The following PABPC4L variants were observed in gnomAD, a reference collection of about 807,000 sequenced individuals.
The protein encoded by PABPC4L is polyadenylate-binding protein 4-like.
For missense variants in PABPC4L, 452 were observed against 451.4 expected (o/e 1.00, Z -0.01); for synonymous variants, 169 against 164.1 (o/e 1.03, Z -0.23).
the PABPC4L span, among the ~76,000 whole-genome samples, chr4:134,141,590 T>C: frequency 6.6e-6 from 1 of 151,390 alleles, no homozygotes; most frequent in Admixed American, 6.6e-5. Context: ...TTGTTATTGT[T>C]AAAGTTTTAC....
the PABPC4L span, among the ~76,000 whole-genome samples, chr4:134,044,573 A>T: frequency 1.3e-5 from 2 of 152,076 alleles, no homozygotes; most frequent in African/African-American, 4.8e-5. Flanking sequence ...CATTTTACTT[A>T]TATTATAATG....
chr4:133,988,114 A>T, the PABPC4L span, among the ~76,000 whole-genome samples: 3 of 152,274 alleles, frequency 2.0e-5, no homozygotes, highest in Non-Finnish European at 4.4e-5. Context: ...CCCTCCCATG[A>T]CATGTTGTGG....
At chr4:133,991,745 C>T in the PABPC4L span, among the ~76,000 whole-genome samples, 6 of 152,162 alleles carry the variant, frequency 3.9e-5, no homozygotes, top group Admixed American at 6.5e-5. Context: ...TTGCCAGTTG[C>T]GTGTTAAATT....
chr4:133,989,209 T>A, the PABPC4L span, among the ~76,000 whole-genome samples: 2 of 152,192 alleles, frequency 1.3e-5, no homozygotes, highest in Non-Finnish European at 2.9e-5. Flanking sequence ...GTGAATAACA[T>A]TCGACTCCTC....
At chr4:134,023,555 T>G in the PABPC4L span, among the ~76,000 whole-genome samples, 1 of 152,080 alleles carries the variant, frequency 6.6e-6, no homozygotes, top group Admixed American at 6.6e-5. Context: ...TTAAAATTAT[T>G]TATTATTTTT....
At chr4:133,995,998 A>T in the PABPC4L span, among the ~76,000 whole-genome samples, 1 of 152,078 alleles carries the variant, frequency 6.6e-6, no homozygotes, top group African/African-American at 2.4e-5. Context: ...CACCTGATTG[A>T]CTTGTTGATC....
chr4:133,967,871 A>C, the PABPC4L span, among the ~76,000 whole-genome samples: 1 of 152,306 alleles, frequency 6.6e-6, no homozygotes, highest in East Asian at 1.9e-4. Context: ...CAAGAATATA[A>C]GCTTAAAAGT....
chr4:134,129,302 G>A, the PABPC4L span, among the ~76,000 whole-genome samples: 1 of 151,980 alleles, frequency 6.6e-6, no homozygotes, highest in Non-Finnish European at 1.5e-5. Context: ...AATAGACTTA[G>A]ACTATACCCT....
the PABPC4L span, among the ~76,000 whole-genome samples, chr4:134,135,891 T>C: frequency 6.6e-6 from 1 of 152,038 alleles, no homozygotes; most frequent in Admixed American, 6.6e-5. Context: ...CCCATTTCCC[T>C]ATCACTCGAT....
At chr4:134,082,342 G>A in the PABPC4L span, among the ~76,000 whole-genome samples, 2 of 151,908 alleles carry the variant, frequency 1.3e-5, no homozygotes, top group African/African-American at 2.4e-5. Context: ...ACAGGATTTG[G>A]GGTATAAAGA....
the PABPC4L span, among the ~76,000 whole-genome samples, chr4:134,175,165 C>A: frequency 0.091 from 13,820 of 151,916 alleles, 703 homozygotes; most frequent in South Asian, 0.13. Context: ...CTTTTAAGGA[C>A]AAAATATAAG....
chr4:134,077,124 G>A, the PABPC4L span, among the ~76,000 whole-genome samples: 1 of 152,038 alleles, frequency 6.6e-6, no homozygotes, highest in Non-Finnish European at 1.5e-5. Flanking sequence ...GTATGTTTAT[G>A]GGTATATATG....
chr4:134,092,892 T>G, the PABPC4L span, among the ~76,000 whole-genome samples: 1 of 152,114 alleles, frequency 6.6e-6, no homozygotes, highest in Non-Finnish European at 1.5e-5. Flanking sequence ...TTTTCTGAGG[T>G]AATTTCCTCA....
chr4:133,953,935 A>T, the PABPC4L span, among the ~76,000 whole-genome samples: 1 of 152,170 alleles, frequency 6.6e-6, no homozygotes, highest in Admixed American at 6.5e-5. Context: ...AAGTGGCCTC[A>T]TTTCCTTTTT....
chr4:134,168,419 A>G, the PABPC4L span, among the ~76,000 whole-genome samples: 11 of 152,042 alleles, frequency 7.2e-5, no homozygotes, highest in Admixed American at 6.5e-4. Context: ...AGTAACAATG[A>G]GAACAGAAAT....
chr4:133,968,604 A>C, the PABPC4L span, among the ~76,000 whole-genome samples: 2 of 152,202 alleles, frequency 1.3e-5, no homozygotes, highest in East Asian at 3.8e-4. Flanking sequence ...CAAAAAACAA[A>C]AAATGGGCCA....
At chr4:134,090,477 T>G in the PABPC4L span, among the ~76,000 whole-genome samples, 1 of 152,094 alleles carries the variant, frequency 6.6e-6, no homozygotes, top group African/African-American at 2.4e-5. Flanking sequence ...TTAAAAAGGC[T>G]GTCTTTGGGA....
the PABPC4L span, among the ~76,000 whole-genome samples, chr4:133,986,501 A>G: frequency 1.3e-5 from 2 of 152,146 alleles, no homozygotes; most frequent in Non-Finnish European, 2.9e-5. Flanking sequence ...ATGAGAAGAA[A>G]ATAAGAGAAA....
At chr4:134,072,795 CT>C in the PABPC4L span, among the ~76,000 whole-genome samples, 1 of 152,038 alleles carries the variant, frequency 6.6e-6, no homozygotes, top group Admixed American at 6.6e-5. Context: ...CAAACACATC[CT>C]TTTTCACATG....
Sources: gnomAD v4.1 joint callset for allele counts (sites outside exome capture counted in the v4.1 genomes callset) on GRCh38, gnomAD v4.1.1 for gene constraint, MANE v1.5 for transcripts, NCBI Gene and HGNC (gene_info 2026-07-23, HGNC 2026-07-21) for gene names.